CSMD2: variants seen among roughly 807,000 people sequenced by gnomAD.
The protein encoded by CSMD2 is CUB and sushi domain-containing protein 2.
In CSMD2, 130 loss-of-function variants were observed where a neutral mutation model predicts 398.5. That is an observed-to-expected ratio of 0.33 (90% confidence interval 0.28 to 0.38). CSMD2 has a LOEUF of 0.38. Among genes scored for constraint, CSMD2 ranks in the 10% least tolerant of loss-of-function variants. The pLI, the probability that CSMD2 is intolerant of heterozygous loss-of-function variation, is 1.00. For synonymous variants in CSMD2, 1,828 were observed against 1,908.5 expected, an observed-to-expected ratio of 0.96 and a Z score of 1.10; for missense variants, 3,829 against 4,764.9, an observed-to-expected ratio of 0.80 and a Z score of 5.78.
At position 33,729,859 on chromosome 1, in the gene CSMD2, G is replaced by A. The variant is rs924684395; in HGVS notation, c.2369-3174C>T. On this transcript the variant is annotated intron_variant, in intron 15 of 70. Transcript: ENST00000373381. ...GGATTCTAGGACCTTGCTGGTGAAC[G>A]TGCAATATGGTACAACTGCTGTGCA... Among the ~76,000 whole-genome samples the A allele has an allele frequency of 4.6e-5, 7 of 152,240 alleles. No homozygotes were observed. In the East Asian group the frequency reaches 5.8e-4, roughly 13 times the overall value.
intron 21 of CSMD2, among the ~76,000 whole-genome samples, chr1:33,713,252 C>T (rs1224910057): frequency 6.6e-6 from 1 of 152,186 alleles, no homozygotes; most frequent in Non-Finnish European, 1.5e-5. Flanking sequence ...ATCTTGCCAG[C>T]CTGTCTAAGC....
At chr1:33,566,784 T>C (rs1013810202) in intron 53 of CSMD2, among the ~76,000 whole-genome samples, 3 of 152,176 alleles carry the variant, frequency 2.0e-5, no homozygotes, top group Non-Finnish European at 4.4e-5. Flanking sequence ...ACCATCTTTA[T>C]AGAACAGAAA....
chr1:33,815,892 GAGAAGAGAGGAA>G (rs1182590776), intron 9 of CSMD2, among the ~76,000 whole-genome samples: 1 of 152,120 alleles, frequency 6.6e-6, no homozygotes, highest in East Asian at 1.9e-4. Context: ...AAGTGGAGAG[GAGAAGAGAGGAA>G]AGAAGAGAAG....
intron 13 of CSMD2, among the ~76,000 whole-genome samples, chr1:33,746,119 C>T (rs536088463): frequency 5.9e-5 from 9 of 152,244 alleles, no homozygotes; most frequent in African/African-American, 2.2e-4. Context: ...TCTTAGAAGG[C>T]GTTCCTCAAA....
chr1:33,860,349 C>T (rs753644465), intron 5 of CSMD2: 4 of 152,000 alleles, frequency 2.6e-5, no homozygotes, highest in Non-Finnish European at 5.9e-5. Flanking sequence ...TTTCATAGAC[C>T]TTGGCTATGG....
At chr1:33,891,231 G>A (rs1641993959) in intron 5 of CSMD2, among the ~76,000 whole-genome samples, 1 of 150,736 alleles carries the variant, frequency 6.6e-6, no homozygotes. Context: ...ATCAAAAAGT[G>A]GGCGAAGGAC....
At chr1:34,057,805 GTC>G (rs1654021523) in intron 2 of CSMD2, among the ~76,000 whole-genome samples, 1 of 152,182 alleles carries the variant, frequency 6.6e-6, no homozygotes, top group Admixed American at 6.5e-5. Flanking sequence ...TACCCACCTT[GTC>G]TCTCTGGCTT....
At chr1:34,081,886 C>A (rs1657195598) in intron 2 of CSMD2, among the ~76,000 whole-genome samples, 1 of 151,858 alleles carries the variant, frequency 6.6e-6, no homozygotes, top group Non-Finnish European at 1.5e-5. Flanking sequence ...AGGAGCCCCT[C>A]TGCCCAGCCG....
intron 2 of CSMD2, among the ~76,000 whole-genome samples, chr1:34,046,469 T>C (rs1481738944): frequency 6.6e-6 from 1 of 152,192 alleles, no homozygotes; most frequent in Non-Finnish European, 1.5e-5. Context: ...ACTGAGACAC[T>C]AATGGCACCT....
intron 5 of CSMD2, among the ~76,000 whole-genome samples, chr1:33,855,746 T>C (rs1214317713): frequency 6.6e-6 from 1 of 152,004 alleles, no homozygotes; most frequent in Non-Finnish European, 1.5e-5. Context: ...TTAAAGCCTA[T>C]CCCCATCAGG....
intron 44 of CSMD2, among the ~76,000 whole-genome samples, chr1:33,592,931 A>G (rs1639569315): frequency 6.7e-6 from 1 of 150,036 alleles, no homozygotes; most frequent in East Asian, 2.0e-4. Flanking sequence ...CCTGGGCAAC[A>G]GAGCAAGACT....
intron 9 of CSMD2, chr1:33,815,513 G>A (rs1177064098): frequency 6.6e-6 from 1 of 152,224 alleles, no homozygotes; most frequent in Non-Finnish European, 1.5e-5. Flanking sequence ...TGGAGGGGGA[G>A]TTGCTCTGCA....
intron 15 of CSMD2, among the ~76,000 whole-genome samples, chr1:33,729,783 C>G (rs1338887067): frequency 2.0e-5 from 3 of 152,132 alleles, no homozygotes; most frequent in South Asian, 2.1e-4. Flanking sequence ...TCTCATCCAT[C>G]AGATAGGCAA....
chr1:33,694,164 C>T (rs1049911106), intron 24 of CSMD2, among the ~76,000 whole-genome samples: 1 of 152,206 alleles, frequency 6.6e-6, no homozygotes, highest in Non-Finnish European at 1.5e-5. Flanking sequence ...AAGTCAGACA[C>T]ATTGTGCGAT....
In CSMD2 at chr1:33,519,493, C is replaced by A. The variant is rs367889259; in HGVS notation, c.*25G>T. 33 of 1,599,790 alleles carry A rather than the reference C, an allele frequency of 2.1e-5. No homozygotes were observed. Among genetic ancestry groups the A allele is most frequent in the Admixed American group, 5.1e-5 (3 of 59,052 alleles). On this transcript the variant is annotated 3_prime_UTR_variant, in exon 70 of 71. Transcript: ENST00000373381. This position sits in a 1 kb window ranked among gnomAD's most constrained non-coding sequence, Gnocchi z 5.6. ...CTGCTGGAGGCGGGGCTCTCGGTGG[C>A]GGTGGTGGCGGCCAGGCCGGGTGGC...
intron 28 of CSMD2, among the ~76,000 whole-genome samples, chr1:33,648,361 CAAAA>C (rs61207590): frequency 2.8e-5 from 2 of 71,826 alleles, no homozygotes; most frequent in African/African-American, 8.7e-5. Context: ...GACTCTGTCT[CAAAA>C]AAAAAAAAAA....
intron 3 of CSMD2, among the ~76,000 whole-genome samples, chr1:34,004,231 T>C (rs955965623): frequency 2.0e-5 from 3 of 152,198 alleles, no homozygotes; most frequent in African/African-American, 7.2e-5. Flanking sequence ...GACTGAGAGA[T>C]GAATGAGGTC....
chr1:33,975,063 C>T (rs1466626778), intron 3 of CSMD2, among the ~76,000 whole-genome samples: 4 of 152,228 alleles, frequency 2.6e-5, no homozygotes, highest in Non-Finnish European at 5.9e-5. Flanking sequence ...GCTCAGACTG[C>T]CCCTGGCTGG....
At chr1:33,847,379 T>C (rs770478814) in intron 5 of CSMD2, among the ~76,000 whole-genome samples, 5 of 151,852 alleles carry the variant, frequency 3.3e-5, no homozygotes, top group Non-Finnish European at 7.4e-5. Context: ...AAGATGACTT[T>C]GGGAAGCCCC....
Sources: gnomAD v4.1 joint callset for allele counts (sites outside exome capture counted in the v4.1 genomes callset) on GRCh38, gnomAD v4.1.1 for gene constraint, Gnocchi (gnomAD v3.1) non-coding constraint, MANE v1.5 for transcripts, NCBI Gene and HGNC (gene_info 2026-07-23, HGNC 2026-07-21) for gene names.